Variants in CACNA1A observed in about 807,000 individuals in gnomAD.
CACNA1A encodes the protein calcium voltage-gated channel subunit alpha1 A, also known as voltage-dependent P/Q-type calcium channel subunit alpha-1A.
CACNA1A carries 57 observed loss-of-function variants against 262.4 expected under a neutral mutation model. The observed-to-expected ratio is 0.22, with a 90% confidence interval of 0.18 to 0.27. CACNA1A has a LOEUF of 0.27. Ranked by LOEUF, CACNA1A falls within the 10% of genes least tolerant of loss-of-function variation. CACNA1A has a pLI of 1.00. For synonymous variants in CACNA1A, 1,431 were observed against 1,419.3 expected (o/e 1.01, Z -0.18); for missense variants, 2,526 against 3,562.8 (o/e 0.71, Z 7.41).
chr19:13,343,107 CTTTCTTTCTTTTT>C (rs770130912), intron 6 of CACNA1A, among the ~76,000 whole-genome samples: 14 of 146,444 alleles, frequency 9.6e-5, no homozygotes, highest in Admixed American at 2.7e-4. Context: ...TCTTTCTGGT[CTTTCTTTCTTTTT>C]TTTCTTTCTT....
intron 28 of CACNA1A, among the ~76,000 whole-genome samples, chr19:13,255,940 C>T (rs1249219113): frequency 3.5e-5 from 5 of 143,140 alleles, no homozygotes; most frequent in African/African-American, 1.3e-4. Flanking sequence ...CCTTCCCTCC[C>T]TCCTTTCTTT....
At chr19:13,225,205 G>A (rs2055389670) in intron 37 of CACNA1A, 1 of 172,750 alleles carries the variant, frequency 5.8e-6, no homozygotes, top group Non-Finnish European at 1.3e-5. Context: ...GGGTGCCACT[G>A]GCTCCCCACA....
At chr19:13,469,985 G>C (rs1026972618) in intron 1 of CACNA1A, among the ~76,000 whole-genome samples, 1 of 151,820 alleles carries the variant, frequency 6.6e-6, no homozygotes, top group African/African-American at 2.4e-5. Flanking sequence ...CCCCATACCT[G>C]GGCAGTGGAG....
chr19:13,389,075 G>T (rs559802107), intron 3 of CACNA1A, among the ~76,000 whole-genome samples: 1 of 151,998 alleles, frequency 6.6e-6, no homozygotes, highest in Non-Finnish European at 1.5e-5. Context: ...GCTAATTTTT[G>T]TATCTTTAAT....
At chr19:13,237,980 C>T (rs1356093582) in intron 31 of CACNA1A, among the ~76,000 whole-genome samples, 1 of 152,178 alleles carries the variant, frequency 6.6e-6, no homozygotes, top group Non-Finnish European at 1.5e-5. Flanking sequence ...GGGAAGCTTG[C>T]AACCATGCAA....
chr19:13,317,097 C>G lies in CACNA1A; in HGVS notation c.1555+15G>C. Reference sequence around the variant, plus strand: ...GATCAGGGAGTTGGCAGGGGTGGGGCTGGGTGATACTCACAAAGGAAGTCG... The same window carrying G: ...GATCAGGGAGTTGGCAGGGGTGGGGGTGGGTGATACTCACAAAGGAAGTCG... On this transcript the variant is annotated intron_variant, in intron 11 of 46. Coordinates refer to ENST00000360228, the MANE Select transcript of CACNA1A (RefSeq NM_001127222.2). 6.3e-7 allele frequency: 1 copy of G among 1,576,650 alleles called. No homozygotes were observed. The highest frequency in any genetic ancestry group is 8.7e-7 in the Non-Finnish European group (1 of 1,148,458).
intron 3 of CACNA1A, among the ~76,000 whole-genome samples, chr19:13,436,517 A>G (rs1405054466): frequency 1.3e-5 from 2 of 151,878 alleles, no homozygotes; most frequent in African/African-American, 4.9e-5. Flanking sequence ...TAATTCACTC[A>G]TTCATTCATT....
chr19:13,459,694 CTT>C (rs1175230661), intron 1 of CACNA1A, among the ~76,000 whole-genome samples: 1 of 152,220 alleles, frequency 6.6e-6, no homozygotes, highest in Non-Finnish European at 1.5e-5. Context: ...GCTGACTTCG[CTT>C]TCTCTCCCTG....
intron 1 of CACNA1A, among the ~76,000 whole-genome samples, chr19:13,484,074 A>G (rs1018373043): frequency 1.3e-5 from 2 of 152,118 alleles, no homozygotes; most frequent in African/African-American, 4.8e-5. Context: ...ATTGGGCTGA[A>G]AGTCCAGAAA....
intron 31 of CACNA1A, 75 bp from the exon 32 acceptor site, chr19:13,235,805 C>T: frequency 2.0e-6 from 2 of 1,021,148 alleles, no homozygotes; most frequent in Non-Finnish European, 1.5e-6. Context: ...TCACAGAGGC[C>T]CCTACATGAA....
At position 13,212,698 on chromosome 19, in the gene CACNA1A, G is replaced by T; in HGVS notation, c.5983C>A (p.Pro1995Thr). 2 of 1,510,788 alleles carry T rather than the reference G, an allele frequency of 1.3e-6. No individual in the cohort carries two copies. The highest frequency in any genetic ancestry group is 2.3e-5 in the East Asian group (1 of 43,718). 93.6% of individuals were successfully genotyped at this position (1,510,788 alleles called of 1,614,324 possible). The change falls in exon 41 of 47, where the codon CCA becomes ACA. Residue 1995 changes from proline to threonine, a missense_variant. This residue lies in a region of CACNA1A where 929 missense variants were observed against 868.1 expected (regional missense o/e 1.07). Transcript: ENST00000360228. This position sits in a 1 kb window ranked among gnomAD's most constrained non-coding sequence, Gnocchi z 5.6. ...TGGCCAGGTCCCCCTTCCTGCGTTG[G>T]GGACGGGGGCTCCATGCGCTGGAAC... Reference protein sequence around the residue: ...LMFQRMEPPSPTQEGGPGQNA... With the variant: ...LMFQRMEPPSTTQEGGPGQNA...
At position 13,380,129 on chromosome 19, in the gene CACNA1A, C is replaced by T. The variant is rs577229930; in HGVS notation, c.540-8350G>A. ...TGAAAACCCGTCTCTACTAAAAATA[C>T]AAAAATTAGCTGGGCGTGGTGGCGG... On this transcript the variant is annotated intron_variant, in intron 3 of 46. Coordinates refer to ENST00000360228, the MANE Select transcript of CACNA1A (RefSeq NM_001127222.2). 6.9e-5 allele frequency among the ~76,000 whole-genome samples: 9 copies of T among 130,362 alleles called. No homozygotes were observed. The South Asian group carries it at 2.1e-3, about 30-fold the overall frequency. 85.5% of individuals were successfully genotyped at this position (130,362 alleles called of 152,430 possible). A position where few individuals can be genotyped will look rare whatever the true frequency, so the allele number is the denominator to read the frequency against.
chr19:13,462,390 C>G (rs2061139941), intron 1 of CACNA1A, among the ~76,000 whole-genome samples: 1 of 152,068 alleles, frequency 6.6e-6, no homozygotes, highest in African/African-American at 2.4e-5. Context: ...ATCACAATCA[C>G]CAGGAAAAAG....
intron 18 of CACNA1A, among the ~76,000 whole-genome samples, chr19:13,299,579 C>G (rs1450861626): frequency 6.6e-6 from 1 of 152,182 alleles, no homozygotes; most frequent in Non-Finnish European, 1.5e-5. Context: ...AAGTCCTCCC[C>G]CCTGACCCAG....
In CACNA1A at chr19:13,208,880, T is replaced by G. The variant is rs772789381; in HGVS notation, c.6656A>C (p.His2219Pro). ...QHHHHHHHHHHPPPPDKDRYA... is the reference protein window; with the variant it reads ...QHHHHHHHHHPPPPPDKDRYA... Reference sequence around the variant, plus strand: ...GCGGTCCTTGTCGGGGGGCGGGGGATGGTGGTGGTGGTGGTGGTGGTGGTG... The same window carrying G: ...GCGGTCCTTGTCGGGGGGCGGGGGAGGGTGGTGGTGGTGGTGGTGGTGGTG... Residue 2219 changes from histidine (H) to proline (P), a missense_variant, in exon 46 of 47, where the codon CAT (histidine) becomes CCT (proline). Coordinates refer to ENST00000360228, the MANE Select transcript of CACNA1A (RefSeq NM_001127222.2). The G allele has an allele frequency of 3.7e-4, 259 of 691,530 alleles. No individual in the cohort carries two copies. The highest frequency in any genetic ancestry group is 7.4e-4 in the African/African-American group (34 of 46,246). 42.8% of individuals were successfully genotyped at this position (691,530 alleles called of 1,614,324 possible).
intron 3 of CACNA1A, among the ~76,000 whole-genome samples, chr19:13,390,111 C>T (rs1343507530): frequency 1.3e-5 from 2 of 152,044 alleles, no homozygotes; most frequent in African/African-American, 4.8e-5. Flanking sequence ...CTATGCCCCA[C>T]CTACATTTTT....
chr19:13,261,634 G>T, intron 25 of CACNA1A, 24 bp from the exon 26 acceptor site: 1 of 1,601,164 alleles, frequency 6.2e-7, no homozygotes, highest in Non-Finnish European at 8.5e-7. Flanking sequence ...TTGACAGAGA[G>T]CATGAGGGGC....
intron 1 of CACNA1A, among the ~76,000 whole-genome samples, chr19:13,502,018 G>A (rs1335801166): frequency 1.3e-5 from 2 of 152,108 alleles, no homozygotes; most frequent in East Asian, 1.9e-4. Flanking sequence ...CAAGGATCAC[G>A]TAAGTGACAC....
intron 6 of CACNA1A, among the ~76,000 whole-genome samples, chr19:13,355,021 C>A (rs1484973287): frequency 6.6e-6 from 1 of 151,982 alleles, no homozygotes; most frequent in Non-Finnish European, 1.5e-5. Context: ...ATTACAGGCA[C>A]CCGCCCACCA....
Sources: allele counts gnomAD v4.1 joint callset (sites outside exome capture counted in the v4.1 genomes callset), GRCh38; gene constraint gnomAD v4.1.1; regional missense constraint gnomAD v4.1.1; non-coding constraint Gnocchi (gnomAD v3.1); transcripts MANE v1.5; gene names NCBI Gene and HGNC (gene_info 2026-07-23, HGNC 2026-07-21).